Variants in LRBA observed in about 807,000 individuals in gnomAD.
LRBA encodes the protein LPS responsive beige-like anchor protein.
LRBA carries 176 observed loss-of-function variants against 330.0 expected under a neutral mutation model. The ratio of observed to expected loss-of-function variants is 0.53; its 90% CI spans 0.47 to 0.60. The LOEUF (loss-of-function observed/expected upper bound fraction) is 0.60, where lower values mean the gene tolerates loss of function less well. Ranked by LOEUF, LRBA falls within the 20% of genes least tolerant of loss-of-function variation. The pLI is 0.00. For missense variants in LRBA, 3,259 were observed against 3,444.8 expected (o/e 0.95, Z 1.35); for synonymous variants, 1,230 against 1,193.0 (o/e 1.03, Z -0.64).
chr4:150,833,119 T>C (rs1747445328), intron 28 of LRBA, among the ~76,000 whole-genome samples: 1 of 151,782 alleles, frequency 6.6e-6, no homozygotes, highest in South Asian at 2.1e-4. Flanking sequence ...CAAACAATTA[T>C]ATATCAAGAT....
intron 34 of LRBA, among the ~76,000 whole-genome samples, chr4:150,778,478 T>C (rs951333156): frequency 1.3e-5 from 2 of 152,230 alleles, no homozygotes; most frequent in Non-Finnish European, 2.9e-5. Context: ...CTTGCTTTTA[T>C]GTTTAGGCAC....
chr4:150,333,187 C>T (rs1054933502), intron 48 of LRBA, among the ~76,000 whole-genome samples: 1 of 152,036 alleles, frequency 6.6e-6, no homozygotes. Flanking sequence ...ACTGAGGAAA[C>T]AAGTTAACTC....
chr4:150,687,056 A>C (rs1013191334), intron 36 of LRBA, among the ~76,000 whole-genome samples: 3 of 152,100 alleles, frequency 2.0e-5, no homozygotes, highest in African/African-American at 7.2e-5. Context: ...CTGATTATCA[A>C]TCTCTGTCTC....
chr4:150,639,813 GTGTGTGTATATATATATATATATATATA>G (rs1778432997), intron 37 of LRBA, among the ~76,000 whole-genome samples: 6 of 7,264 alleles, frequency 8.3e-4, no homozygotes, highest in Admixed American at 2.0e-3. Context: ...ATATGTGTGT[GTGTGTGTATATATATATATATATATATA>G]TATATATATA....
intron 40 of LRBA, among the ~76,000 whole-genome samples, chr4:150,561,401 G>T (rs1412982534): frequency 6.6e-6 from 1 of 152,114 alleles, no homozygotes; most frequent in Non-Finnish European, 1.5e-5. Flanking sequence ...AGGCAAAGAG[G>T]AATTACAGTT....
intron 33 of LRBA, among the ~76,000 whole-genome samples, chr4:150,802,143 C>A (rs1465186020): frequency 6.7e-6 from 1 of 150,198 alleles, no homozygotes; most frequent in Non-Finnish European, 1.5e-5. Context: ...TCAACTGAGC[C>A]CAGGAAGACA....
intron 44 of LRBA, among the ~76,000 whole-genome samples, chr4:150,445,377 C>CTCTCTCTCTCTA (rs1454079183): frequency 2.8e-4 from 22 of 78,626 alleles, no homozygotes; most frequent in Non-Finnish European, 4.0e-4. Flanking sequence ...CTCTCTCTCT[C>CTCTCTCTCTCTA]TATATATATA....
intron 47 of LRBA, among the ~76,000 whole-genome samples, chr4:150,398,991 T>C (rs972040764): frequency 1.3e-5 from 2 of 152,114 alleles, no homozygotes; most frequent in African/African-American, 4.8e-5. Context: ...TCCCAAGAAA[T>C]TAAAATACAG....
chr4:150,353,926 T>C (rs1448225736), intron 47 of LRBA, among the ~76,000 whole-genome samples: 1 of 152,120 alleles, frequency 6.6e-6, no homozygotes, highest in East Asian at 1.9e-4. Context: ...AAAAGGGACC[T>C]AAAAGAACAA....
At position 150,899,864 on chromosome 4, in the gene LRBA, T is replaced by C. The variant is rs530812377; in HGVS notation, c.1924+185A>G. Among the ~76,000 whole-genome samples, 7 of 152,268 alleles carry C rather than the reference T, an allele frequency of 4.6e-5. No homozygotes were observed. The South Asian group carries it at 8.3e-4, about 18-fold the overall frequency. ...ATTCTTCCACACAAGTAGCAAGTTA[T>C]TAAACTCTAGAAACCACAATTTAGG... On this transcript the variant is annotated intron_variant, in intron 14 of 56. Coordinates refer to ENST00000651943, the MANE Select transcript of LRBA (RefSeq NM_001364905.1).
At chr4:150,696,916 T>C (rs1049826915) in intron 36 of LRBA, among the ~76,000 whole-genome samples, 5 of 145,854 alleles carry the variant, frequency 3.4e-5, no homozygotes, top group Admixed American at 6.8e-5. Flanking sequence ...TGGGAAGCTG[T>C]GGTGGGAGGA....
intron 2 of LRBA, among the ~76,000 whole-genome samples, chr4:150,962,072 T>C (rs1475031691): frequency 4.7e-5 from 7 of 149,540 alleles, no homozygotes; most frequent in Non-Finnish European, 1.0e-4. Flanking sequence ...GTACGCACTA[T>C]GGTTTTTCTG....
rs2127121836 is a variant in LRBA at position 150,897,781 on chromosome 4, T to C, written c.1962A>G (p.Leu654=). 6.2e-7 allele frequency: 1 copy of C among 1,612,346 alleles called. No individual in the cohort carries two copies. Among genetic ancestry groups the C allele is most frequent in the Non-Finnish European group, 8.5e-7 (1 of 1,178,816 alleles). The change falls in exon 15 of 57, where the codon CTA becomes CTG. Residue 654 remains leucine, a synonymous_variant. Transcript: ENST00000651943. ...TAATGAACATCAACAAGAATGCTCG[T>C]AGAGAAAGCATTTCTTTTTGATTAG... The part of the protein sequence containing the change: ...PRPNQKEMLS[L]RAFLLMFIKQ...
At position 150,719,319 on chromosome 4, in the gene LRBA, A is replaced by G. The variant is rs148450216; in HGVS notation, c.5754+15939T>C. The stretch of plus-strand genomic sequence containing the variant: ...CACACTACCCACCACCACAATCACT[A>G]AATTTCAAATTTAAAAAAAGTGCAA... On this transcript the variant is annotated intron_variant, in intron 36 of 56. Coordinates refer to ENST00000651943, the MANE Select transcript of LRBA (RefSeq NM_001364905.1). 3.3e-5 allele frequency among the ~76,000 whole-genome samples: 5 copies of G among 152,062 alleles called. No homozygotes were observed. The East Asian group carries it at 9.7e-4, about 29-fold the overall frequency.
chr4:150,367,148 T>A (rs1162994789), intron 47 of LRBA, among the ~76,000 whole-genome samples: 1 of 152,236 alleles, frequency 6.6e-6, no homozygotes, highest in African/African-American at 2.4e-5. Context: ...TAAAATTTTT[T>A]AAATTTTCCT....
At chr4:150,815,844 C>T (rs766238838) in intron 31 of LRBA, among the ~76,000 whole-genome samples, 12 of 151,768 alleles carry the variant, frequency 7.9e-5, no homozygotes, top group East Asian at 1.9e-4. Context: ...TTATACAGTA[C>T]GTAAAGAATT....
At chr4:150,805,600 GGAAAAGA>G (rs1560842942) in intron 33 of LRBA, among the ~76,000 whole-genome samples, 6 of 100,854 alleles carry the variant, frequency 5.9e-5, no homozygotes, top group African/African-American at 2.3e-4. Flanking sequence ...GGAAAGGAAA[GGAAAAGA>G]AAGGAAAGGA....
intron 35 of LRBA, among the ~76,000 whole-genome samples, chr4:150,741,342 T>A (rs1397395792): frequency 6.6e-6 from 1 of 152,066 alleles, no homozygotes; most frequent in Non-Finnish European, 1.5e-5. Flanking sequence ...ATTTTTAAAA[T>A]GGGAAAAGTA....
Position 150,995,410 on chromosome 4 carries a change from T to A in LRBA, c.216+19017A>T, listed in dbSNP as rs186862809. Among the ~76,000 whole-genome samples the A allele has an allele frequency of 3.3e-5, 5 of 150,188 alleles. No homozygotes were observed. The East Asian group carries it at 7.8e-4, about 24-fold the overall frequency. ...AGCCTTTCAGGAACAGAAGAAACGATGAGGAACATGAAAATAATCAGATAT... is the reference window on the plus strand; with the variant it reads ...AGCCTTTCAGGAACAGAAGAAACGAAGAGGAACATGAAAATAATCAGATAT... On this transcript the variant is annotated intron_variant, in intron 2 of 56. Coordinates refer to ENST00000651943, the MANE Select transcript of LRBA (RefSeq NM_001364905.1).
Sources: allele counts gnomAD v4.1 joint callset (sites outside exome capture counted in the v4.1 genomes callset), GRCh38; gene constraint gnomAD v4.1.1; transcripts MANE v1.5; gene names NCBI Gene and HGNC (gene_info 2026-07-23, HGNC 2026-07-21).